The following RGL1 variants were observed in gnomAD, a reference collection of about 807,000 sequenced individuals.
The protein encoded by RGL1 is ral guanine nucleotide dissociation stimulator-like 1.
RGL1 carries 24 observed loss-of-function variants against 95.2 expected under a neutral mutation model. That is an observed-to-expected ratio of 0.25 (90% CI 0.18 to 0.35). The LOEUF (loss-of-function observed/expected upper bound fraction) is 0.35, where lower values mean the gene tolerates loss of function less well. Ranked by LOEUF, RGL1 falls within the 10% of genes least tolerant of loss-of-function variation. The pLI is 1.00. For synonymous variants in RGL1, 329 were observed against 344.9 expected, an observed-to-expected ratio of 0.95 and a Z score of 0.51; for missense variants, 715 against 936.3, an observed-to-expected ratio of 0.76 and a Z score of 3.08.
chr1:183,642,137 G>A (rs1347325652), intron 1 of RGL1, among the ~76,000 whole-genome samples: 1 of 152,126 alleles, frequency 6.6e-6, no homozygotes, highest in Non-Finnish European at 1.5e-5. Context: ...TCATAGGTTT[G>A]ATAAAATTTG....
intron 2 of RGL1, among the ~76,000 whole-genome samples, chr1:183,751,670 C>T (rs1028480734): frequency 6.6e-6 from 1 of 152,170 alleles, no homozygotes; most frequent in African/African-American, 2.4e-5. Flanking sequence ...AACCCAGGGC[C>T]CTGGTGGTGT....
At chr1:183,768,274 T>A (rs1427926084) in intron 2 of RGL1, among the ~76,000 whole-genome samples, 2 of 152,036 alleles carry the variant, frequency 1.3e-5, no homozygotes. Context: ...AGGACAAAAA[T>A]TTACCGTTCC....
At chr1:183,737,432 T>C (rs1405510074) in intron 1 of RGL1, among the ~76,000 whole-genome samples, 1 of 152,136 alleles carries the variant, frequency 6.6e-6, no homozygotes, top group African/African-American at 2.4e-5. Flanking sequence ...ATTATAGATA[T>C]TATAAGCATA....
chr1:183,925,709 A>T (rs909045857), intron 17 of RGL1, among the ~76,000 whole-genome samples: 3 of 152,188 alleles, frequency 2.0e-5, no homozygotes, highest in African/African-American at 7.2e-5. Context: ...GAAAATCTGC[A>T]TACTGGGGTG....
upstream of RGL1, among the ~76,000 whole-genome samples, chr1:183,801,252 G>C (rs1458425382): frequency 1.3e-5 from 2 of 151,844 alleles, no homozygotes; most frequent in Non-Finnish European, 2.9e-5. Flanking sequence ...CTGATGATTA[G>C]TGATGTTGAG....
intron 2 of RGL1, among the ~76,000 whole-genome samples, chr1:183,839,813 A>G (rs1388727133): frequency 6.6e-6 from 1 of 152,160 alleles, no homozygotes; most frequent in Non-Finnish European, 1.5e-5. Flanking sequence ...TTCCCCCTGT[A>G]GTGGTGGAAA....
At chr1:183,747,301 A>T (rs1370331888) in intron 2 of RGL1, among the ~76,000 whole-genome samples, 1 of 152,140 alleles carries the variant, frequency 6.6e-6, no homozygotes, top group Non-Finnish European at 1.5e-5. Context: ...GTTTCTCCAC[A>T]TCCTCTCCAG....
chr1:183,884,344 G>A (rs554085370), intron 6 of RGL1, among the ~76,000 whole-genome samples: 213 of 152,302 alleles, frequency 1.4e-3, no homozygotes, highest in African/African-American at 4.8e-3. Context: ...TTCCACGTGT[G>A]CTTTCTGTAC....
intron 1 of RGL1, among the ~76,000 whole-genome samples, chr1:183,688,429 C>G (rs542162989): frequency 6.6e-6 from 1 of 152,034 alleles, no homozygotes; most frequent in East Asian, 1.9e-4. Context: ...CCTCCAGGCT[C>G]TCAAAATGAA....
chr1:183,912,878 G>A (rs1668729034), intron 15 of RGL1, among the ~76,000 whole-genome samples: 2 of 152,198 alleles, frequency 1.3e-5, no homozygotes, highest in Admixed American at 6.5e-5. Flanking sequence ...CTTTACTTGA[G>A]TCGTATCAAC....
chr1:183,667,006 T>A (rs1293941896), intron 1 of RGL1, among the ~76,000 whole-genome samples: 1 of 152,230 alleles, frequency 6.6e-6, no homozygotes, highest in African/African-American at 2.4e-5. Flanking sequence ...TGTTTTTGCT[T>A]CACATATTTT....
At chr1:183,890,548 T>G (rs1162177427) in intron 8 of RGL1, among the ~76,000 whole-genome samples, 1 of 152,204 alleles carries the variant, frequency 6.6e-6, no homozygotes, top group Non-Finnish European at 1.5e-5. Context: ...CTTTACATGT[T>G]CTCCATTGCT....
chr1:183,846,965 C>A (rs549263896), intron 2 of RGL1, among the ~76,000 whole-genome samples: 1 of 152,128 alleles, frequency 6.6e-6, no homozygotes, highest in Admixed American at 6.5e-5. Context: ...ATTAAAAATG[C>A]GCTTGGTAAA....
intron 1 of RGL1, among the ~76,000 whole-genome samples, chr1:183,684,637 GA>G (rs1352652763): frequency 6.6e-6 from 1 of 152,132 alleles, no homozygotes; most frequent in African/African-American, 2.4e-5. Flanking sequence ...ACTGGGGTAT[GA>G]AAAAAACTTC....
chr1:183,764,897 G>A (rs1277641082), intron 2 of RGL1, among the ~76,000 whole-genome samples: 1 of 152,190 alleles, frequency 6.6e-6, no homozygotes, highest in African/African-American at 2.4e-5. Flanking sequence ...CCCATATAAA[G>A]TGCAGCAAGA....
At chr1:183,646,009 A>G (rs1415505896) in intron 1 of RGL1, among the ~76,000 whole-genome samples, 1 of 152,176 alleles carries the variant, frequency 6.6e-6, no homozygotes, top group East Asian at 1.9e-4. Flanking sequence ...ATTTCAGACC[A>G]TGTTTCTAAT....
intron 1 of RGL1, among the ~76,000 whole-genome samples, chr1:183,702,260 A>G (rs1487252207): frequency 1.3e-5 from 2 of 152,122 alleles, no homozygotes; most frequent in African/African-American, 2.4e-5. Context: ...GTCATGGTGA[A>G]TTACGCCCAA....
At chr1:183,804,198 A>ATTTT (rs10637613), upstream of RGL1, among the ~76,000 whole-genome samples, 67 of 150,030 alleles carry the variant, frequency 4.5e-4, no homozygotes, top group Middle Eastern at 3.4e-3. Flanking sequence ...TGGGAGACCT[A>ATTTT]TTTTTTTTTT....
chr1:183,713,983 G>T (rs1430250819), intron 1 of RGL1, among the ~76,000 whole-genome samples: 2 of 152,108 alleles, frequency 1.3e-5, no homozygotes, highest in African/African-American at 4.8e-5. Context: ...CTGGGTATTG[G>T]CTCATGCTTG....
Sources: allele counts gnomAD v4.1 joint callset (sites outside exome capture counted in the v4.1 genomes callset), GRCh38; gene constraint gnomAD v4.1.1; transcripts MANE v1.5; gene names NCBI Gene and HGNC (gene_info 2026-07-23, HGNC 2026-07-21).